Variants in LRRC63 observed in about 807,000 individuals in gnomAD.
LRRC63 encodes leucine-rich repeat-containing protein 63.
Under a neutral mutation model 49.5 loss-of-function variants are expected in LRRC63, and 40 were observed. The ratio of observed to expected loss-of-function variants is 0.81; its 90% CI spans 0.63 to 1.05. The LOEUF (loss-of-function observed/expected upper bound fraction) is 1.05. LRRC63 is among the 50% of genes least tolerant of loss of function. The pLI is 0.00. For missense variants in LRRC63, 636 were observed against 663.1 expected, an observed-to-expected ratio of 0.96 and a Z score of 0.45; for synonymous variants, 191 against 221.1, an observed-to-expected ratio of 0.86 and a Z score of 1.21.
chr13:46,256,998 A>T (rs1372597075), intron 7 of LRRC63, among the ~76,000 whole-genome samples: 1 of 152,222 alleles, frequency 6.6e-6, no homozygotes, highest in East Asian at 1.9e-4. Flanking sequence ...AGCTGATCTT[A>T]AAGTAGGGAG....
chr13:46,259,037 C>G (rs7336448), intron 7 of LRRC63, among the ~76,000 whole-genome samples: 2,130 of 152,130 alleles, frequency 0.014, 56 homozygotes, highest in African/African-American at 0.049. Context: ...ATTTTCGTTC[C>G]TAAGGTTTTG....
chr13:46,252,154 G>A (rs1054321217), intron 7 of LRRC63, among the ~76,000 whole-genome samples: 2 of 151,854 alleles, frequency 1.3e-5, no homozygotes, highest in Admixed American at 6.6e-5. Context: ...TAATAAAAAT[G>A]TTTATTTGCA....
At chr13:46,270,103 G>T (rs542283160) in intron 9 of LRRC63, 55 of 640,418 alleles carry the variant, frequency 8.6e-5, no homozygotes, top group African/African-American at 8.5e-4. Flanking sequence ...AAACCGCAGA[G>T]CCGGTGGTGC....
At chr13:46,276,826 G>GTATATATATATATATATATATATA (rs752992115) in exon 10 of LRRC63, 19 of 165,316 alleles carry the variant, frequency 1.1e-4, no homozygotes, top group South Asian at 4.7e-4. Context: ...TCGTATGTGT[G>GTATATATATATATATATATATATA]TGTATATATA....
At chr13:46,214,280 T>C (rs2046182007) in intron 2 of LRRC63, among the ~76,000 whole-genome samples, 1 of 152,222 alleles carries the variant, frequency 6.6e-6, no homozygotes, top group Non-Finnish European at 1.5e-5. Context: ...CTATTAACAG[T>C]AGGTAACTCA....
At chr13:46,214,865 T>C (rs1211781715) in intron 2 of LRRC63, among the ~76,000 whole-genome samples, 1 of 152,204 alleles carries the variant, frequency 6.6e-6, no homozygotes, top group Non-Finnish European at 1.5e-5. Context: ...ACACAGTGTT[T>C]GGTTTTCTTT....
intron 2 of LRRC63, among the ~76,000 whole-genome samples, chr13:46,223,854 T>TCAAAAA (rs1369071510): frequency 6.6e-6 from 1 of 151,998 alleles, no homozygotes; most frequent in Non-Finnish European, 1.5e-5. Flanking sequence ...AGACCTTGTC[T>TCAAAAA]CAAAAACAAA....
At chr13:46,261,661 G>A (rs1238375076) in intron 7 of LRRC63, among the ~76,000 whole-genome samples, 1 of 152,144 alleles carries the variant, frequency 6.6e-6, no homozygotes, top group Non-Finnish European at 1.5e-5. Context: ...GTATCTTAGT[G>A]ATAATGAAAA....
At chr13:46,246,484 C>T (rs1345794233) in intron 5 of LRRC63, 43 bp from the exon 6 acceptor site, 30 of 964,696 alleles carry the variant, frequency 3.1e-5, no homozygotes, top group Non-Finnish European at 4.3e-5. Context: ...TATTTTGTGC[C>T]TTGTTAGTGA....
exon 10 of LRRC63, chr13:46,276,820 ATGTGTG>A (rs72350100): frequency 0.016 from 3,323 of 203,804 alleles, 145 homozygotes; most frequent in African/African-American, 0.093. Context: ...GATTTATCGT[ATGTGTG>A]TGTATATATA....
At chr13:46,240,330 T>G (rs2047025557) in intron 5 of LRRC63, among the ~76,000 whole-genome samples, 2 of 152,048 alleles carry the variant, frequency 1.3e-5, no homozygotes, top group Non-Finnish European at 2.9e-5. Context: ...GGTTTCACTG[T>G]GTTAGCCAGG....
intron 9 of LRRC63, among the ~76,000 whole-genome samples, chr13:46,274,570 CTCTG>C (rs2047805443): frequency 6.6e-6 from 1 of 152,228 alleles, no homozygotes; most frequent in Admixed American, 6.5e-5. Context: ...GTCTGCCTCT[CTCTG>C]TCTCTCTACC....
intron 2 of LRRC63, among the ~76,000 whole-genome samples, chr13:46,225,557 G>A (rs1387403990): frequency 1.3e-5 from 2 of 152,186 alleles, no homozygotes; most frequent in East Asian, 1.9e-4. Flanking sequence ...TGGTGAGATG[G>A]TGGTAGTTGG....
At chr13:46,270,391 T>C in intron 9 of LRRC63, 1 of 846,108 alleles carries the variant, frequency 1.2e-6, no homozygotes, top group Non-Finnish European at 2.1e-6. Context: ...ACTGCTCAGA[T>C]GGCGAAGAAT....
rs201766247 is a variant in LRRC63 at position 46,238,469 on chromosome 13, T to TAA, written c.990+4120_990+4121insAA. On this transcript the variant is annotated intron_variant, in intron 5 of 9. Coordinates refer to ENST00000595396, the Ensembl canonical transcript of LRRC63. ...GAAATACCTGAGACTGGGTAATTTA[T>TAA]TAAAAAAAAAGAGGTTTAATGGACT... 2.6e-4 allele frequency among the ~76,000 whole-genome samples: 39 copies of TAA among 151,652 alleles called. 1 individual carries two copies. The South Asian group carries it at 2.9e-3, about 11-fold the overall frequency.
intron 2 of LRRC63, among the ~76,000 whole-genome samples, chr13:46,221,183 A>G (rs538492491): frequency 6.6e-6 from 1 of 152,230 alleles, no homozygotes; most frequent in African/African-American, 2.4e-5. Flanking sequence ...AACAATAAAT[A>G]TGTGTTGTAT....
rs558035551 is a variant in LRRC63 at position 46,258,636 on chromosome 13, C to T, written c.1227-3273C>T. Among the ~76,000 whole-genome samples the T allele has an allele frequency of 6.4e-4, 96 of 149,522 alleles. 1 individual carries two copies. The South Asian group carries it at 8.3e-3, about 13-fold the overall frequency. ...CATCCTGGCCAACATGGTGAAACCC[C>T]ATCTCTACTAAAAATACAAAAATTA... On this transcript the variant is annotated intron_variant, in intron 7 of 9. Coordinates refer to ENST00000595396, the Ensembl canonical transcript of LRRC63.
chr13:46,248,115 TAACTC>T (rs572092840), intron 6 of LRRC63, among the ~76,000 whole-genome samples: 2 of 151,968 alleles, frequency 1.3e-5, no homozygotes, highest in African/African-American at 4.8e-5. Flanking sequence ...ACTAAGAAAA[TAACTC>T]AAGAGAACAT....
In LRRC63 at chr13:46,276,774, C is replaced by T. The variant is rs1594106722; in HGVS notation, c.1735C>T (p.Leu579=). The change falls in exon 10 of 10, where the codon CTA becomes TTA. Residue 579 remains leucine (L), a synonymous_variant. Coordinates refer to ENST00000595396, the Ensembl canonical transcript of LRRC63. ...TGGTAGTCCTAGTAGAAGAATAGCT[C>T]TAGATGTGGAGTTGTCAAAAGAATT... 1.2e-5 allele frequency: 15 copies of T among 1,209,800 alleles called. No homozygotes were observed. The East Asian group carries it at 4.8e-4, about 39-fold the overall frequency. The allele number at this position is 1,209,800 out of a possible 1,614,324, so 74.9% of individuals were successfully genotyped here.
Sources: gnomAD v4.1 joint callset for allele counts (sites outside exome capture counted in the v4.1 genomes callset) on GRCh38, gnomAD v4.1.1 for gene constraint, MANE v1.5 for transcripts, NCBI Gene and HGNC (gene_info 2026-07-23, HGNC 2026-07-21) for gene names.